Variants in TBC1D24 observed in about 807,000 individuals in gnomAD.
TBC1D24 encodes the protein Infantile myoclonic epilepsy.
TBC1D24 carries 47 observed loss-of-function variants against 50.7 expected under a neutral mutation model. The ratio of observed to expected loss-of-function variants is 0.93; its 90% CI spans 0.73 to 1.18. TBC1D24 has a LOEUF of 1.18. Among genes scored for constraint, TBC1D24 ranks in the 50% most tolerant of loss-of-function variants. TBC1D24 has a pLI of 0.00. For synonymous variants in TBC1D24, 324 were observed against 335.2 expected, an observed-to-expected ratio of 0.97 and a Z score of 0.36; for missense variants, 688 against 766.5, an observed-to-expected ratio of 0.90 and a Z score of 1.21.
rs1165430540 is a variant in TBC1D24 at position 2,505,327 on chromosome 16, A to C, written c.*4369A>C. On this transcript the variant is annotated 3_prime_UTR_variant, in exon 8 of 8. Coordinates refer to ENST00000646147, the MANE Select transcript of TBC1D24 (RefSeq NM_001199107.2). Reference sequence around the variant, plus strand: ...CAATTGCAGACTCACTCATTTTACCAAACTATGGAATTTGTCAACACCTTT... The same window carrying C: ...CAATTGCAGACTCACTCATTTTACCCAACTATGGAATTTGTCAACACCTTT... 2.0e-5 allele frequency: 3 copies of C among 152,234 alleles called. No homozygotes were observed. Among genetic ancestry groups the C allele is most frequent in the African/African-American group, 7.2e-5 (3 of 41,448 alleles). The allele number at this position is 152,234 out of a possible 1,614,324, so 9.4% of individuals were successfully genotyped here.
At chr16:2,494,498 C>T (rs1339186611) in intron 1 of TBC1D24, among the ~76,000 whole-genome samples, 1 of 152,032 alleles carries the variant, frequency 6.6e-6, no homozygotes, top group Non-Finnish European at 1.5e-5. Flanking sequence ...TCAGAAGGCC[C>T]CCAGGGTGCA....
rs1234614548 is a variant in TBC1D24, at chr16:2,498,378, A to T, written c.1124A>T (p.His375Leu). The change falls in exon 4 of 8, where the codon CAC (histidine) becomes CTC (leucine). Residue 375 changes from histidine to leucine, a missense_variant. Physicochemically the swap from His to Leu is moderately conservative, Grantham distance 99. Coordinates refer to ENST00000646147, the MANE Select transcript of TBC1D24 (RefSeq NM_001199107.2). Reference protein sequence around the residue: ...QPLLLFSSLQHGYSLARFYFQ... With the variant: ...QPLLLFSSLQLGYSLARFYFQ... The stretch of plus-strand genomic sequence containing the variant: ...CTTCTGCTGTTCTCCTCCCTGCAGC[A>T]CGGGTACAGCCTGGCCAGGTAACAC... 4 of 1,607,236 alleles carry T rather than the reference A, an allele frequency of 2.5e-6. No homozygotes were observed. The African/African-American group carries it at 4.0e-5, about 16-fold the overall frequency.
At chr16:2,495,927 G>A in intron 1 of TBC1D24, 107 bp from the exon 2 acceptor site, 1 of 579,294 alleles carries the variant, frequency 1.7e-6, no homozygotes, top group Non-Finnish European at 3.0e-6. Flanking sequence ...AACAGAGCGA[G>A]ACCCTGTCTC....
In TBC1D24 at chr16:2,496,545, G is replaced by T. The variant is rs770787878; in HGVS notation, c.397G>T (p.Ala133Ser). The T allele has an allele frequency of 6.2e-7, 1 of 1,608,326 alleles. No individual in the cohort carries two copies. Among genetic ancestry groups the T allele is most frequent in the Admixed American group, 1.7e-5 (1 of 60,016 alleles). ...NQFPDISFCP[A>S]LPAVVALLLH... ...GTTCCCCGACATCTCCTTCTGCCCC[G>T]CCCTGCCGGCCGTGGTGGCCCTGCT... The change falls in exon 2 of 8, where the codon GCC becomes TCC. Residue 133 changes from alanine to serine, a missense_variant. Ala to Ser is a moderately conservative substitution (Grantham distance 99). Coordinates refer to ENST00000646147, the MANE Select transcript of TBC1D24 (RefSeq NM_001199107.2).
chr16:2,486,871 G>A lies in TBC1D24; in HGVS notation c.-115-9163G>A, dbSNP rs1204745180. Among the ~76,000 whole-genome samples, 1 of 152,164 alleles carries A rather than the reference G, an allele frequency of 6.6e-6. No individual in the cohort carries two copies. The highest frequency in any genetic ancestry group is 1.5e-5 in the Non-Finnish European group (1 of 68,020). On this transcript the variant is annotated intron_variant, in intron 1 of 7. Coordinates refer to ENST00000646147, the MANE Select transcript of TBC1D24 (RefSeq NM_001199107.2). The surrounding 1 kb of genome is among the most constrained non-coding windows in gnomAD (Gnocchi z 5.8). ...GCTCTGACTGCCACTGTCAGGCCAC[G>A]GTCCTGTGGGATCCAACCCTGAGCC...
intron 3 of TBC1D24, 125 bp from the exon 4 acceptor site, chr16:2,498,112 GC>G (rs2065759093): frequency 3.1e-6 from 4 of 1,298,470 alleles, no homozygotes; most frequent in Non-Finnish European, 4.3e-6. Context: ...CTAAACCGGG[GC>G]CGGGGCAAGC....
intron 4 of TBC1D24, 146 bp downstream of exon 4, chr16:2,498,542 G>T: frequency 1.2e-6 from 1 of 800,216 alleles, no homozygotes. Context: ...CCCTTTCTGG[G>T]CTCTGTCCTC....
chr16:2,489,360 A>C (rs1456091162), intron 1 of TBC1D24, among the ~76,000 whole-genome samples: 1 of 152,144 alleles, frequency 6.6e-6, no homozygotes, highest in African/African-American at 2.4e-5. Context: ...TGAACCCGGT[A>C]GGCGGAGTTT....
At chr16:2,494,838 C>T (rs1318732925) in intron 1 of TBC1D24, among the ~76,000 whole-genome samples, 1 of 152,058 alleles carries the variant, frequency 6.6e-6, no homozygotes, top group Non-Finnish European at 1.5e-5. Flanking sequence ...AACGGCTTCT[C>T]AAAAGTCACT....
Position 2,487,352 on chromosome 16 carries a change from C to T in TBC1D24, c.-115-8682C>T, listed in dbSNP as rs2065658699. 6.6e-6 allele frequency among the ~76,000 whole-genome samples: 1 copy of T among 152,208 alleles called. No individual in the cohort carries two copies. The highest frequency in any genetic ancestry group is 2.1e-4 in the South Asian group (1 of 4,834). On this transcript the variant is annotated intron_variant, in intron 1 of 7. Coordinates refer to ENST00000646147, the MANE Select transcript of TBC1D24 (RefSeq NM_001199107.2). This position sits in a 1 kb window ranked among gnomAD's most constrained non-coding sequence, Gnocchi z 4.1. Reference sequence around the variant, plus strand: ...GTGACTAACTGCAGGACGAGGGAGCCGCGGTCGTATGCTGCCTCCTCACGT... The same window carrying T: ...GTGACTAACTGCAGGACGAGGGAGCTGCGGTCGTATGCTGCCTCCTCACGT...
At chr16:2,488,752 CTTTT>C (rs112675396) in intron 1 of TBC1D24, among the ~76,000 whole-genome samples, 1 of 120,464 alleles carries the variant, frequency 8.3e-6, no homozygotes, top group Non-Finnish European at 1.8e-5. Flanking sequence ...CACCTGGCTG[CTTTT>C]TTTTTTTTTT....
chr16:2,500,349 G>A lies in TBC1D24; in HGVS notation c.1384G>A (p.Glu462Lys), dbSNP rs368678094. Residue 462 changes from glutamate (E) to lysine (K), a missense_variant, in exon 7 of 8, where the codon GAG (glutamate) becomes AAG (lysine). By Grantham distance (56) the Glu-to-Lys change is moderately conservative (BLOSUM62 1). Transcript: ENST00000646147. This position sits in a 1 kb window ranked among gnomAD's most constrained non-coding sequence, Gnocchi z 8.0. ...CAAGCCCCCACCCTTGATGGCTGCC[G>A]AGCCCACCGCCCCACTCAGCCACTC... is the stretch of plus-strand genomic sequence containing the variant. ...LTKPPPLMAAEPTAPLSHSAS... is the reference protein window; with the variant it reads ...LTKPPPLMAAKPTAPLSHSAS... 1.7e-5 allele frequency: 27 copies of A among 1,610,194 alleles called. No homozygotes were observed. The African/African-American group carries it at 2.4e-4, about 14-fold the overall frequency.
chr16:2,494,427 G>T (rs2065720962), intron 1 of TBC1D24, among the ~76,000 whole-genome samples: 1 of 148,092 alleles, frequency 6.8e-6, no homozygotes, highest in African/African-American at 2.6e-5. Context: ...AAAAAAAAAA[G>T]GGAGAACTAG....
chr16:2,478,735 TC>T (rs1346155994), intron 1 of TBC1D24: 3 of 151,382 alleles, frequency 2.0e-5, no homozygotes, highest in African/African-American at 4.9e-5. Context: ...TGGGCTTTTT[TC>T]TTTTTTTTTT....
rs1326854687 is a variant in TBC1D24, at chr16:2,500,436, C to T, written c.1471C>T (p.Pro491Ser). Residue 491 changes from proline (P) to serine (S), a missense_variant, in exon 7 of 8, where the codon CCC becomes TCC. Physicochemically the swap from Pro to Ser is moderately conservative, Grantham distance 74. Transcript: ENST00000646147. The surrounding 1 kb of genome is among the most constrained non-coding windows in gnomAD (Gnocchi z 8.0). ...PFLAARHFNL[P>S]SKTESMFMAG... ...CCTGGCCGCTCGCCACTTCAACCTG[C>T]CCTCCAAGACCGAGTCCATGTTCAT... 6.2e-7 allele frequency: 1 copy of T among 1,601,186 alleles called. No individual in the cohort carries two copies.
chr16:2,498,477 A>C (rs942623052), intron 4 of TBC1D24, 81 bp downstream of exon 4: 2 of 1,367,520 alleles, frequency 1.5e-6, no homozygotes, highest in South Asian at 2.6e-5. Flanking sequence ...ATGGGCCTCA[A>C]ACCTCGGCAC....
At chr16:2,489,966 G>T (rs1218822104) in intron 1 of TBC1D24, among the ~76,000 whole-genome samples, 2 of 152,220 alleles carry the variant, frequency 1.3e-5, no homozygotes, top group African/African-American at 4.8e-5. Flanking sequence ...GCTGCCCTCT[G>T]CGCCCTGTAG....
chr16:2,487,073 G>A lies in TBC1D24; in HGVS notation c.-115-8961G>A, dbSNP rs1175366175. ...CCTCCTACCCCGTGTGGGGACACCC[G>A]CCTCTTAGCGCATCCCAGCCCCTCA... is the stretch of plus-strand genomic sequence containing the variant. On this transcript the variant is annotated intron_variant, in intron 1 of 7. Transcript: ENST00000646147. This position sits in a 1 kb window ranked among gnomAD's most constrained non-coding sequence, Gnocchi z 4.1. 3.9e-5 allele frequency among the ~76,000 whole-genome samples: 6 copies of A among 152,190 alleles called. No homozygotes were observed. Among genetic ancestry groups the A allele is most frequent in the African/African-American group, 4.8e-5 (2 of 41,448 alleles).
At chr16:2,480,744 T>TTGG (rs1165438451) in intron 1 of TBC1D24, 1 of 152,280 alleles carries the variant, frequency 6.6e-6, no homozygotes, top group Non-Finnish European at 1.5e-5. Flanking sequence ...CCTTGCTACC[T>TTGG]TGGTAAACCT....
Sources: gnomAD v4.1 joint callset for allele counts (sites outside exome capture counted in the v4.1 genomes callset) on GRCh38, gnomAD v4.1.1 for gene constraint, Gnocchi (gnomAD v3.1) non-coding constraint, MANE v1.5 for transcripts, NCBI Gene and HGNC (gene_info 2026-07-23, HGNC 2026-07-21) for gene names.